Variants in RLBP1 observed in about 807,000 individuals in gnomAD.
RLBP1 encodes the protein retinaldehyde binding protein 1, also known as retinaldehyde-binding protein 1.
Under a neutral mutation model 36.2 loss-of-function variants are expected in RLBP1, and 26 were observed. The observed-to-expected ratio is 0.72, with a 90% CI of 0.53 to 1.00. The LOEUF is 1.00. Ranked by LOEUF, RLBP1 falls within the 50% of genes least tolerant of loss-of-function variation. RLBP1 has a pLI of 0.00. For missense variants in RLBP1, 410 were observed against 402.4 expected (o/e 1.02, Z -0.16); for synonymous variants, 155 against 156.2 (o/e 0.99, Z 0.06).
intron 2 of RLBP1, among the ~76,000 whole-genome samples, 197 bp from the exon 3 acceptor site, chr15:89,219,272 G>A (rs1171569716): frequency 6.6e-6 from 1 of 152,194 alleles, no homozygotes; most frequent in Non-Finnish European, 1.5e-5. Flanking sequence ...CTCTGAGGGA[G>A]ATGGTTCTTG....
Position 89,211,634 on chromosome 15 carries a change from G to C in RLBP1, c.684+109C>G. On this transcript the variant is annotated intron_variant, in intron 7 of 8. Coordinates refer to ENST00000268125, the MANE Select transcript of RLBP1 (RefSeq NM_000326.5). The surrounding 1 kb of genome is among the most constrained non-coding windows in gnomAD (Gnocchi z 5.8). ...TGTGGCTGTCACTGCTCTTTATGGCGCGAGGTGGTCCAACTTCTCAGTTCC... is the reference window on the plus strand; with the variant it reads ...TGTGGCTGTCACTGCTCTTTATGGCCCGAGGTGGTCCAACTTCTCAGTTCC... 1 of 1,138,992 alleles carries C rather than the reference G, an allele frequency of 8.8e-7. No individual in the cohort carries two copies. The highest frequency in any genetic ancestry group is 1.3e-5 in the South Asian group (1 of 76,836). 70.6% of individuals were successfully genotyped at this position (1,138,992 alleles called of 1,614,324 possible). A position where few individuals can be genotyped will look rare whatever the true frequency, so the allele number is the denominator to read the frequency against.
chr15:89,210,237 G>T lies in RLBP1; in HGVS notation c.*48C>A, dbSNP rs1217446217. On this transcript the variant is annotated 3_prime_UTR_variant, in exon 9 of 9. Transcript: ENST00000268125. The surrounding 1 kb of genome is among the most constrained non-coding windows in gnomAD (Gnocchi z 4.7). Reference sequence around the variant, plus strand: ...CTAGCCTTGGGTCCAGGACAGTTGAGGAGAGGCCCAGAGATTCTAACTACA... The same window carrying T: ...CTAGCCTTGGGTCCAGGACAGTTGATGAGAGGCCCAGAGATTCTAACTACA... 1 of 1,607,540 alleles carries T rather than the reference G, an allele frequency of 6.2e-7. No homozygotes were observed. Among genetic ancestry groups the T allele is most frequent in the Non-Finnish European group, 8.5e-7 (1 of 1,176,636 alleles).
At chr15:89,212,407 C>T (rs933199297) in intron 6 of RLBP1, among the ~76,000 whole-genome samples, 2 of 151,794 alleles carry the variant, frequency 1.3e-5, no homozygotes, top group African/African-American at 4.8e-5. Flanking sequence ...CATGGTGAAA[C>T]CCCATCTCAA....
rs1238448537 is a variant in RLBP1, at chr15:89,218,788, A to G, written c.13-95T>C. ...CTCAGACCTTCAGTTCTTTTGCCCA[A>G]GGTCATTGTTAAGCCTCCTCCTTTT... is the stretch of plus-strand genomic sequence containing the variant. On this transcript the variant is annotated intron_variant, in intron 3 of 8. Coordinates refer to ENST00000268125, the MANE Select transcript of RLBP1 (RefSeq NM_000326.5). The surrounding 1 kb of genome is among the most constrained non-coding windows in gnomAD (Gnocchi z 4.6). 6 of 1,593,150 alleles carry G rather than the reference A, an allele frequency of 3.8e-6. No homozygotes were observed. In the African/African-American group the frequency reaches 4.0e-5, roughly 11 times the overall value.
rs1422436288 is a variant in RLBP1 at position 89,211,205 on chromosome 15, T to C, written c.685-396A>G. ...TCATCCCTCATTGTCCATCAGCCCCTCCCACAACCTCCACCTCCCACCCCT... is the reference window on the plus strand; with the variant it reads ...TCATCCCTCATTGTCCATCAGCCCCCCCCACAACCTCCACCTCCCACCCCT... On this transcript the variant is annotated intron_variant, in intron 7 of 8. Transcript: ENST00000268125. This position sits in a 1 kb window ranked among gnomAD's most constrained non-coding sequence, Gnocchi z 5.8. Among the ~76,000 whole-genome samples the C allele has an allele frequency of 6.6e-6, 1 of 151,996 alleles. No individual in the cohort carries two copies. Among genetic ancestry groups the C allele is most frequent in the Non-Finnish European group, 1.5e-5 (1 of 67,996 alleles).
chr15:89,210,164 G>C lies in RLBP1; in HGVS notation c.*121C>G. The stretch of plus-strand genomic sequence containing the variant: ...CAGGGTGACACCTGAGCTCACTCGG[G>C]CTTAGGGAGTCTAAGGGGGGACCAC... On this transcript the variant is annotated 3_prime_UTR_variant, in exon 9 of 9. Coordinates refer to ENST00000268125, the MANE Select transcript of RLBP1 (RefSeq NM_000326.5). This position sits in a 1 kb window ranked among gnomAD's most constrained non-coding sequence, Gnocchi z 4.7. 8.6e-7 allele frequency: 1 copy of C among 1,158,500 alleles called. No homozygotes were observed. Among genetic ancestry groups the C allele is most frequent in the Non-Finnish European group, 1.3e-6 (1 of 779,802 alleles). 71.8% of individuals were successfully genotyped at this position (1,158,500 alleles called of 1,614,324 possible).
At chr15:89,213,240 C>A (rs1265676015) in intron 6 of RLBP1, among the ~76,000 whole-genome samples, 2 of 150,606 alleles carry the variant, frequency 1.3e-5, no homozygotes, top group Non-Finnish European at 2.9e-5. Context: ...CCATTTAATT[C>A]TATATTGAAA....
intron 6 of RLBP1, among the ~76,000 whole-genome samples, chr15:89,212,621 TGC>T (rs761635267): frequency 9.4e-6 from 1 of 106,622 alleles, no homozygotes. Flanking sequence ...TGTGTGTGTG[TGC>T]GCGTGTGTGT....
In RLBP1 at chr15:89,211,706, G is replaced by A; in HGVS notation, c.684+37C>T. 6.2e-7 allele frequency: 1 copy of A among 1,610,058 alleles called. No homozygotes were observed. The highest frequency in any genetic ancestry group is 8.5e-7 in the Non-Finnish European group (1 of 1,178,484). ...GCCCAGCCTCTCAGCCTCCCCAGCT[G>A]TGGGAGGCTGCCGTGCGACAGAACT... is the stretch of plus-strand genomic sequence containing the variant. On this transcript the variant is annotated intron_variant, in intron 7 of 8. Coordinates refer to ENST00000268125, the MANE Select transcript of RLBP1 (RefSeq NM_000326.5). The surrounding 1 kb of genome is among the most constrained non-coding windows in gnomAD (Gnocchi z 5.8).
chr15:89,217,945 G>A (rs1019054622), intron 4 of RLBP1, among the ~76,000 whole-genome samples: 1 of 152,212 alleles, frequency 6.6e-6, no homozygotes, highest in Non-Finnish European at 1.5e-5. Context: ...GGAGGGAAGG[G>A]AAAGGAGGGG....
chr15:89,215,036 G>A (rs2051567498), intron 6 of RLBP1, 24 bp downstream of exon 6: 1 of 1,613,736 alleles, frequency 6.2e-7, no homozygotes, highest in South Asian at 1.1e-5. Flanking sequence ...CCACAGGGTG[G>A]GAGCCAGGCG....
intron 6 of RLBP1, among the ~76,000 whole-genome samples, chr15:89,213,276 T>TAA (rs113002812): frequency 7.1e-6 from 1 of 141,166 alleles, no homozygotes; most frequent in African/African-American, 2.6e-5. Flanking sequence ...ATCAATTTGT[T>TAA]AAAAAAAAAA....
chr15:89,215,452 C>T (rs1422748029), intron 5 of RLBP1, among the ~76,000 whole-genome samples: 1 of 152,168 alleles, frequency 6.6e-6, no homozygotes, highest in Admixed American at 6.5e-5. Flanking sequence ...GCCTATCTCA[C>T]CAAATTGTTG....
Position 89,214,776 on chromosome 15 carries a change from C to T in RLBP1, c.525+284G>A, listed in dbSNP as rs1411384639. On this transcript the variant is annotated intron_variant, in intron 6 of 8. Transcript: ENST00000268125. This position sits in a 1 kb window ranked among gnomAD's most constrained non-coding sequence, Gnocchi z 4.6. ...GCAGGGCAGCCCCCAGCTCATGGCA[C>T]ACAGCTGTTACCCCCACTTGGCACT... Among the ~76,000 whole-genome samples the T allele has an allele frequency of 4.6e-5, 7 of 152,224 alleles. No individual in the cohort carries two copies. The highest frequency in any genetic ancestry group is 4.6e-4 in the Admixed American group (7 of 15,284).
In RLBP1 at chr15:89,218,737, C is replaced by G; in HGVS notation, c.13-44G>C. Reference sequence around the variant, plus strand: ...AAGAGGAACAGCCAACCGCATCAGCCTGAGCCAGCCAGGGAAATGGGCCTG... The same window carrying G: ...AAGAGGAACAGCCAACCGCATCAGCGTGAGCCAGCCAGGGAAATGGGCCTG... On this transcript the variant is annotated intron_variant, in intron 3 of 8. Transcript: ENST00000268125. The surrounding 1 kb of genome is among the most constrained non-coding windows in gnomAD (Gnocchi z 4.6). The G allele has an allele frequency of 1.9e-6, 3 of 1,611,490 alleles. No homozygotes were observed. Among genetic ancestry groups the G allele is most frequent in the Non-Finnish European group, 2.5e-6 (3 of 1,180,006 alleles).
Position 89,209,943 on chromosome 15 carries a change from GT to G in RLBP1, c.*341del, listed in dbSNP as rs1358045554. ...ATATTTTAACCCGGGCTCCTTGCCTGTTTTCACAGACTCTAAGTCGTAAAAC... is the reference window on the plus strand; with the variant it reads ...ATATTTTAACCCGGGCTCCTTGCCTGTTTCACAGACTCTAAGTCGTAAAAC... On this transcript the variant is annotated 3_prime_UTR_variant, in exon 9 of 9. Transcript: ENST00000268125. 2.9e-6 allele frequency: 1 copy of G among 350,388 alleles called. No homozygotes were observed. The highest frequency in any genetic ancestry group is 5.4e-6 in the Non-Finnish European group (1 of 185,844). The allele number at this position is 350,388 out of a possible 1,614,324, so 21.7% of individuals were successfully genotyped here. A position where few individuals can be genotyped will look rare whatever the true frequency, so the allele number is the denominator to read the frequency against.
rs1319807807 is a variant in RLBP1, at chr15:89,218,358, T to C, written c.141+207A>G. 6.6e-6 allele frequency among the ~76,000 whole-genome samples: 1 copy of C among 152,206 alleles called. No homozygotes were observed. The highest frequency in any genetic ancestry group is 2.4e-5 in the African/African-American group (1 of 41,454). On this transcript the variant is annotated intron_variant, in intron 4 of 8. Coordinates refer to ENST00000268125, the MANE Select transcript of RLBP1 (RefSeq NM_000326.5). The surrounding 1 kb of genome is among the most constrained non-coding windows in gnomAD (Gnocchi z 4.6). Reference sequence around the variant, plus strand: ...CGAGGCTCTGGGCTGTAGTCTTGGGTTGGGCTGGCCTGGCTGGGTGTCTGG... The same window carrying C: ...CGAGGCTCTGGGCTGTAGTCTTGGGCTGGGCTGGCCTGGCTGGGTGTCTGG...
chr15:89,212,585 CAAA>C (rs112344412), intron 6 of RLBP1, among the ~76,000 whole-genome samples: 103 of 111,408 alleles, frequency 9.2e-4, no homozygotes, highest in Admixed American at 1.5e-3. Context: ...AACTGTGTCT[CAAA>C]AAAAAAAAAA....
In RLBP1 at chr15:89,214,656, C is replaced by T. The variant is rs1427781827; in HGVS notation, c.525+404G>A. On this transcript the variant is annotated intron_variant, in intron 6 of 8. Transcript: ENST00000268125. The surrounding 1 kb of genome is among the most constrained non-coding windows in gnomAD (Gnocchi z 4.6). ...TTTGCGAGCACAAAGAACTCGGGCT[C>T]CTAAATAGATTGGAACCTGTGCTTT... 6.6e-6 allele frequency among the ~76,000 whole-genome samples: 1 copy of T among 152,002 alleles called. No homozygotes were observed.
Sources: gnomAD v4.1 joint callset for allele counts (sites outside exome capture counted in the v4.1 genomes callset) on GRCh38, gnomAD v4.1.1 for gene constraint, Gnocchi (gnomAD v3.1) non-coding constraint, MANE v1.5 for transcripts, NCBI Gene and HGNC (gene_info 2026-07-23, HGNC 2026-07-21) for gene names.